ZFHX3: variants seen among roughly 807,000 people sequenced by gnomAD.
ZFHX3 encodes zinc finger homeobox protein 3.
In ZFHX3, 42 loss-of-function variants were observed where a neutral mutation model predicts 279.1. The ratio of observed to expected loss-of-function variants is 0.15; its 90% CI spans 0.12 to 0.19. The LOEUF (loss-of-function observed/expected upper bound fraction) is 0.19, where lower values mean the gene tolerates loss of function less well. ZFHX3 is among the 10% of genes least tolerant of loss of function. The probability of loss-of-function intolerance (pLI) is 1.00; values close to 1 mark genes in which losing one functional copy is unlikely to be tolerated. For missense variants in ZFHX3, 4,981 were observed against 4,754.0 expected, an observed-to-expected ratio of 1.05 and a Z score of -1.40; for synonymous variants, 2,293 against 1,957.8, an observed-to-expected ratio of 1.17 and a Z score of -4.52.
intron 1 of ZFHX3, chr16:73,006,200 T>C (rs1292491376): frequency 6.6e-6 from 1 of 152,238 alleles, no homozygotes; most frequent in Non-Finnish European, 1.5e-5. Context: ...AGTTTCAGAA[T>C]GTTGCCTCTC....
chr16:72,921,678 G>A (rs539547563), intron 3 of ZFHX3, among the ~76,000 whole-genome samples: 1 of 152,328 alleles, frequency 6.6e-6, no homozygotes, highest in South Asian at 2.1e-4. Flanking sequence ...ATGTACAGAA[G>A]GGGATCGAGG....
intron 5 of ZFHX3, among the ~76,000 whole-genome samples, chr16:73,236,770 T>A (rs1459118098): frequency 2.6e-5 from 4 of 152,160 alleles, no homozygotes; most frequent in South Asian, 2.1e-4. Flanking sequence ...TTTTTCATTT[T>A]AAAAAATGTT....
At chr16:73,251,746 CAT>C (rs1287906260) in intron 5 of ZFHX3, among the ~76,000 whole-genome samples, 1 of 146,900 alleles carries the variant, frequency 6.8e-6, no homozygotes, top group African/African-American at 2.5e-5. Context: ...TGCACACACA[CAT>C]ACACACCACA....
intron 2 of ZFHX3, among the ~76,000 whole-genome samples, chr16:73,629,040 T>C (rs1430404067): frequency 6.6e-6 from 1 of 152,102 alleles, no homozygotes; most frequent in Non-Finnish European, 1.5e-5. Flanking sequence ...TCACACACTG[T>C]AATAAACCCC....
chr16:73,774,161 T>A (rs1403438351), intron 1 of ZFHX3, among the ~76,000 whole-genome samples: 1 of 152,130 alleles, frequency 6.6e-6, no homozygotes, highest in Non-Finnish European at 1.5e-5. Flanking sequence ...ATACTAAGCT[T>A]TTATTAATCT....
At chr16:73,227,574 C>T (rs533345363) in intron 5 of ZFHX3, among the ~76,000 whole-genome samples, 69 of 152,104 alleles carry the variant, frequency 4.5e-4, no homozygotes, top group African/African-American at 1.4e-3. Context: ...CTAGACCGGG[C>T]GCAGTGGCTG....
intron 7 of ZFHX3, among the ~76,000 whole-genome samples, chr16:73,102,996 C>T (rs1966250232): frequency 6.6e-6 from 1 of 152,110 alleles, no homozygotes; most frequent in African/African-American, 2.4e-5. Flanking sequence ...GCAATCTCAG[C>T]TCACTGCAAC....
intron 2 of ZFHX3, among the ~76,000 whole-genome samples, chr16:73,518,806 G>A (rs1374010567): frequency 6.6e-6 from 1 of 152,184 alleles, no homozygotes. Flanking sequence ...TCTTCGAAAA[G>A]CATTGGATAG....
At chr16:72,854,801 T>C (rs1221697261) in intron 4 of ZFHX3, among the ~76,000 whole-genome samples, 1 of 151,854 alleles carries the variant, frequency 6.6e-6, no homozygotes, top group African/African-American at 2.4e-5. Flanking sequence ...TCAGCCTGTT[T>C]TTAAAACCCT....
intron 3 of ZFHX3, among the ~76,000 whole-genome samples, chr16:73,383,180 C>T (rs1001984291): frequency 6.6e-6 from 1 of 152,174 alleles, no homozygotes; most frequent in African/African-American, 2.4e-5. Flanking sequence ...CACGTGAAGC[C>T]AACAGTTTTC....
intron 8 of ZFHX3, among the ~76,000 whole-genome samples, chr16:73,066,629 C>T (rs1448623091): frequency 6.6e-6 from 1 of 152,168 alleles, no homozygotes; most frequent in East Asian, 1.9e-4. Flanking sequence ...TTCGATCACC[C>T]CATTATGCCC....
chr16:72,894,792 C>T (rs935334135), intron 3 of ZFHX3, among the ~76,000 whole-genome samples: 5 of 152,214 alleles, frequency 3.3e-5, no homozygotes, highest in African/African-American at 7.2e-5. Context: ...TTGCTCTCCT[C>T]GCCAGGCAGG....
At chr16:72,873,121 A>T (rs1316673349) in intron 4 of ZFHX3, among the ~76,000 whole-genome samples, 1 of 152,236 alleles carries the variant, frequency 6.6e-6, no homozygotes, top group African/African-American at 2.4e-5. Flanking sequence ...ACTACGGATC[A>T]TCTTGAACCC....
chr16:73,717,602 G>A (rs2053428622), intron 1 of ZFHX3, among the ~76,000 whole-genome samples: 1 of 152,150 alleles, frequency 6.6e-6, no homozygotes, highest in Non-Finnish European at 1.5e-5. Flanking sequence ...CTTGGTCCTT[G>A]GTGAGCTCTT....
intron 7 of ZFHX3, chr16:73,127,635 G>A: frequency 8.0e-7 from 1 of 1,254,748 alleles, no homozygotes; most frequent in Non-Finnish European, 1.0e-6. Flanking sequence ...GGTGCAGACT[G>A]GATGTTATGG....
intron 1 of ZFHX3, among the ~76,000 whole-genome samples, chr16:73,736,278 G>T (rs1337120319): frequency 2.0e-5 from 3 of 152,128 alleles, no homozygotes; most frequent in African/African-American, 7.2e-5. Flanking sequence ...GGCTACTTTA[G>T]TTTCAAAACT....
Position 72,950,454 on chromosome 16 carries a change from G to A in ZFHX3, c.3216+15C>T. 1 of 1,606,934 alleles carries A rather than the reference G, an allele frequency of 6.2e-7. No individual in the cohort carries two copies. Among genetic ancestry groups the A allele is most frequent in the Non-Finnish European group, 8.5e-7 (1 of 1,174,268 alleles). ...TTCAGAAAGAGCGCCTGAGCCATAAGGAGCTGGGCCTTACCTTGTACAACT... is the reference window on the plus strand; with the variant it reads ...TTCAGAAAGAGCGCCTGAGCCATAAAGAGCTGGGCCTTACCTTGTACAACT... On this transcript the variant is annotated intron_variant, in intron 3 of 9. Transcript: ENST00000268489.
intron 5 of ZFHX3, among the ~76,000 whole-genome samples, chr16:73,154,415 C>A (rs1242433741): frequency 6.6e-6 from 1 of 152,172 alleles, no homozygotes; most frequent in Non-Finnish European, 1.5e-5. Flanking sequence ...CACAGGCGGC[C>A]ACTGGACAGT....
intron 2 of ZFHX3, among the ~76,000 whole-genome samples, chr16:73,510,023 C>G (rs1382414567): frequency 6.6e-6 from 1 of 152,192 alleles, no homozygotes; most frequent in Non-Finnish European, 1.5e-5. Flanking sequence ...TGCTCAGCAT[C>G]GTCCTTTAGG....
Sources: allele counts gnomAD v4.1 joint callset (sites outside exome capture counted in the v4.1 genomes callset), GRCh38; gene constraint gnomAD v4.1.1; transcripts MANE v1.5; gene names NCBI Gene and HGNC (gene_info 2026-07-23, HGNC 2026-07-21).